Variants in ABCA3 observed in about 807,000 individuals in gnomAD.
The protein encoded by ABCA3 is ATP binding cassette subfamily A member 3.
Under a neutral mutation model 172.8 loss-of-function variants are expected in ABCA3, and 88 were observed. That is an observed-to-expected ratio of 0.51 (90% CI 0.43 to 0.61). The LOEUF (loss-of-function observed/expected upper bound fraction) is 0.61. Ranked by LOEUF, ABCA3 falls within the 20% of genes least tolerant of loss-of-function variation. The pLI is 0.00. For missense variants in ABCA3, 2,164 were observed against 2,301.0 expected (o/e 0.94, Z 1.22); for synonymous variants, 1,066 against 983.8 (o/e 1.08, Z -1.56).
intron 10 of ABCA3, among the ~76,000 whole-genome samples, chr16:2,312,686 G>T (rs920957173): frequency 6.6e-6 from 1 of 151,740 alleles, no homozygotes; most frequent in African/African-American, 2.4e-5. Context: ...CCACGACCAC[G>T]CCCAGCAAAT....
intron 1 of ABCA3, among the ~76,000 whole-genome samples, chr16:2,335,017 C>T (rs562599009): frequency 2.4e-4 from 36 of 148,212 alleles, no homozygotes; most frequent in African/African-American, 8.2e-4. Flanking sequence ...TCAGTAGAGA[C>T]GGGGTTTCAC....
At position 2,338,998 on chromosome 16, in the gene ABCA3, C is replaced by T. The variant is rs558730796; in HGVS notation, c.-539+1575G>A. Among the ~76,000 whole-genome samples, 43 of 152,130 alleles carry T rather than the reference C, an allele frequency of 2.8e-4. 1 individual carries two copies. The highest frequency in any genetic ancestry group is 6.0e-4 in the Non-Finnish European group (41 of 67,950). ...CTCGAACTCCTGAACTCAAGTGATCCGCCCGCCTCTGCCTCCCAAAGTGCT... is the reference window on the plus strand; with the variant it reads ...CTCGAACTCCTGAACTCAAGTGATCTGCCCGCCTCTGCCTCCCAAAGTGCT... On this transcript the variant is annotated intron_variant, in intron 1 of 32. Coordinates refer to ENST00000301732, the MANE Select transcript of ABCA3 (RefSeq NM_001089.3).
At position 2,281,532 on chromosome 16, in the gene ABCA3, G is replaced by A. The variant is rs773789036; in HGVS notation, c.4036-23C>T. The A allele has an allele frequency of 1.0e-5, 16 of 1,607,106 alleles. No homozygotes were observed. The highest frequency in any genetic ancestry group is 5.4e-5 in the African/African-American group (4 of 74,508). On this transcript the variant is annotated intron_variant, in intron 26 of 32. Coordinates refer to ENST00000301732, the MANE Select transcript of ABCA3 (RefSeq NM_001089.3). This position sits in a 1 kb window ranked among gnomAD's most constrained non-coding sequence, Gnocchi z 4.7. ...TGTCTGATTGACCAGGACAAAGACC[G>A]CATGCGTGAACCCAGCCGCAGGGCG...
intron 32 of ABCA3, 65 bp from the exon 33 acceptor site, chr16:2,276,870 G>T (rs955046110): frequency 5.1e-5 from 81 of 1,600,338 alleles, no homozygotes; most frequent in African/African-American, 6.7e-5. Flanking sequence ...CGGGACCTGG[G>T]AGTCCTCTGG....
In ABCA3 at chr16:2,288,006, GCC is replaced by G. The variant is rs1567339506; in HGVS notation, c.3004+18_3004+19del. ...GACTGGCCCCCGATGCCCCCGTCCC[GCC>G]CCCGGGATGCCCCTTACCGAGCACC... On this transcript the variant is annotated intron_variant, in intron 21 of 32. Transcript: ENST00000301732. The G allele has an allele frequency of 7.5e-6, 12 of 1,599,404 alleles. No homozygotes were observed. The South Asian group carries it at 1.3e-4, about 18-fold the overall frequency.
chr16:2,306,977 T>C (rs2093698755), intron 11 of ABCA3, among the ~76,000 whole-genome samples: 2 of 130,820 alleles, frequency 1.5e-5, no homozygotes, highest in South Asian at 4.7e-4. Flanking sequence ...ATTGCGCCAC[T>C]GCCCTCCAGC....
At chr16:2,339,019 G>A (rs2093756268) in intron 1 of ABCA3, 1 of 152,294 alleles carries the variant, frequency 6.6e-6, no homozygotes. Context: ...GCCTCCCAAA[G>A]TGCTGGGATT....
intron 11 of ABCA3, 48 bp from the exon 12 acceptor site, chr16:2,304,198 G>T (rs764713147): frequency 6.2e-7 from 1 of 1,609,726 alleles, no homozygotes; most frequent in Admixed American, 1.7e-5. Flanking sequence ...AGGCTGGGGG[G>T]CCCAGGGACC....
chr16:2,310,631 C>A (rs1414399919), intron 10 of ABCA3, among the ~76,000 whole-genome samples: 1 of 151,610 alleles, frequency 6.6e-6, no homozygotes, highest in Non-Finnish European at 1.5e-5. Context: ...ATTCTCCCAC[C>A]TCAGCCTCCT....
intron 12 of ABCA3, among the ~76,000 whole-genome samples, chr16:2,303,343 G>A (rs1281319316): frequency 1.3e-5 from 2 of 149,524 alleles, no homozygotes; most frequent in Non-Finnish European, 3.0e-5. Context: ...CTCACTGCAA[G>A]CTCCGCCTCC....
At chr16:2,289,169 C>A (rs1192802078) in intron 20 of ABCA3, 2 of 536,540 alleles carry the variant, frequency 3.7e-6, no homozygotes, top group South Asian at 4.6e-5. Context: ...AGAGCCTCAT[C>A]AACACAGAGC....
At chr16:2,330,642 A>G (rs2093741623) in intron 1 of ABCA3, among the ~76,000 whole-genome samples, 1 of 150,592 alleles carries the variant, frequency 6.6e-6, no homozygotes, top group Non-Finnish European at 1.5e-5. Context: ...TCCTGCTTGT[A>G]AGCACTCTGC....
chr16:2,319,515 T>C lies in ABCA3; in HGVS notation c.873+66A>G. 1.9e-6 allele frequency: 3 copies of C among 1,573,504 alleles called. No individual in the cohort carries two copies. The East Asian group carries it at 6.8e-5, about 35-fold the overall frequency. On this transcript the variant is annotated intron_variant, in intron 8 of 32. Coordinates refer to ENST00000301732, the MANE Select transcript of ABCA3 (RefSeq NM_001089.3). ...AAAAAAAATACTAAAACACCAAGCC[T>C]TTGGACATGGCCTCCCCAGGACAGC...
chr16:2,276,259 T>C lies in ABCA3; in HGVS notation c.*415A>G. The stretch of plus-strand genomic sequence containing the variant: ...GGGCCTCGCTACAGTTCAACCTGGC[T>C]GGCTTCCCGCTTCCTCCCCAGGGGA... On this transcript the variant is annotated 3_prime_UTR_variant, in exon 33 of 33. Transcript: ENST00000301732. The C allele has an allele frequency of 2.2e-6, 1 of 456,962 alleles. No homozygotes were observed. Among genetic ancestry groups the C allele is most frequent in the Non-Finnish European group, 4.4e-6 (1 of 227,496 alleles). The allele number at this position is 456,962 out of a possible 1,614,324, so 28.3% of individuals were successfully genotyped here. A position where few individuals can be genotyped will look rare whatever the true frequency, so the allele number is the denominator to read the frequency against.
Position 2,297,595 on chromosome 16 carries a change from C to T in ABCA3, c.2053-56G>A, listed in dbSNP as rs2093681965. ...GGTAGAGCCACACCCCGGGCCCAGGCTGGCCTTGCGGTAGGCCCCATCGAG... is the reference window on the plus strand; with the variant it reads ...GGTAGAGCCACACCCCGGGCCCAGGTTGGCCTTGCGGTAGGCCCCATCGAG... On this transcript the variant is annotated intron_variant, in intron 16 of 32. Coordinates refer to ENST00000301732, the MANE Select transcript of ABCA3 (RefSeq NM_001089.3). The surrounding 1 kb of genome is among the most constrained non-coding windows in gnomAD (Gnocchi z 5.6). 4 of 1,604,826 alleles carry T rather than the reference C, an allele frequency of 2.5e-6. No individual in the cohort carries two copies. The highest frequency in any genetic ancestry group is 1.3e-5 in the African/African-American group (1 of 74,908).
chr16:2,301,433 G>T (rs1041795811), intron 12 of ABCA3, among the ~76,000 whole-genome samples: 5 of 151,990 alleles, frequency 3.3e-5, no homozygotes, highest in African/African-American at 7.2e-5. Context: ...TCGGCTGGAG[G>T]TGGTGGCTCA....
At chr16:2,313,743 A>G (rs1293861856) in intron 10 of ABCA3, among the ~76,000 whole-genome samples, 1 of 151,706 alleles carries the variant, frequency 6.6e-6, no homozygotes, top group Non-Finnish European at 1.5e-5. Context: ...GGTTTCTACA[A>G]AAATAGCTGG....
At chr16:2,290,039 C>A (rs1340977158) in intron 19 of ABCA3, among the ~76,000 whole-genome samples, 1 of 150,316 alleles carries the variant, frequency 6.7e-6, no homozygotes, top group African/African-American at 2.5e-5. Context: ...GGAAACACAA[C>A]TGAGGCTGCA....
At position 2,283,611 on chromosome 16, in the gene ABCA3, A is replaced by G; in HGVS notation, c.3863-253T>C. The G allele has an allele frequency of 6.0e-6, 3 of 503,440 alleles. No homozygotes were observed. The South Asian group carries it at 6.2e-5, about 10-fold the overall frequency. The allele number at this position is 503,440 out of a possible 1,614,324, so 31.2% of individuals were successfully genotyped here. A position where few individuals can be genotyped will look rare whatever the true frequency, so the allele number is the denominator to read the frequency against. Reference sequence around the variant, plus strand: ...ACCCAGGGCAGCAACAGCCCGCCTGAGAGGCACAGGCTCTGCGTGAATCCT... The same window carrying G: ...ACCCAGGGCAGCAACAGCCCGCCTGGGAGGCACAGGCTCTGCGTGAATCCT... On this transcript the variant is annotated intron_variant, in intron 25 of 32. Transcript: ENST00000301732. The surrounding 1 kb of genome is among the most constrained non-coding windows in gnomAD (Gnocchi z 5.4).
Sources: allele counts gnomAD v4.1 joint callset (sites outside exome capture counted in the v4.1 genomes callset), GRCh38; gene constraint gnomAD v4.1.1; non-coding constraint Gnocchi (gnomAD v3.1); transcripts MANE v1.5; gene names NCBI Gene and HGNC (gene_info 2026-07-23, HGNC 2026-07-21).